The following COP1 variants were observed in gnomAD, a reference collection of about 807,000 sequenced individuals.
COP1 encodes COP1 E3 ubiquitin ligase, also known as E3 ubiquitin-protein ligase COP1.
Under a neutral mutation model 101.3 loss-of-function variants are expected in COP1, and 24 were observed. The ratio of observed to expected loss-of-function variants is 0.24; its 90% CI spans 0.17 to 0.33. COP1 has a LOEUF of 0.33. COP1 is among the 10% of genes least tolerant of loss of function. COP1 has a pLI of 1.00. For missense variants in COP1, 663 were observed against 906.2 expected, an observed-to-expected ratio of 0.73 and a Z score of 3.45; for synonymous variants, 347 against 341.9, an observed-to-expected ratio of 1.01 and a Z score of -0.17.
chr1:176,092,118 G>A (rs776268130), intron 9 of COP1, among the ~76,000 whole-genome samples: 2 of 152,018 alleles, frequency 1.3e-5, no homozygotes, highest in Non-Finnish European at 2.9e-5. Context: ...TTAACACAAT[G>A]GGAGATAAAT....
intron 18 of COP1, among the ~76,000 whole-genome samples, chr1:175,971,212 G>A (rs1288731854): frequency 6.6e-6 from 1 of 151,970 alleles, no homozygotes; most frequent in East Asian, 1.9e-4. Flanking sequence ...AAGTTGGAAG[G>A]GTATTTTGTA....
At chr1:175,985,519 G>A (rs1656895394) in intron 18 of COP1, among the ~76,000 whole-genome samples, 1 of 152,138 alleles carries the variant, frequency 6.6e-6, no homozygotes, top group Non-Finnish European at 1.5e-5. Context: ...ATACCCCTGT[G>A]GGGACTTAAA....
intron 15 of COP1, among the ~76,000 whole-genome samples, chr1:176,023,249 G>A (rs903008841): frequency 6.6e-6 from 1 of 151,998 alleles, no homozygotes; most frequent in Admixed American, 6.6e-5. Flanking sequence ...ACTATTATAC[G>A]GTGAAGAAAC....
chr1:176,069,832 A>T (rs1296349820), intron 11 of COP1, among the ~76,000 whole-genome samples: 1 of 152,162 alleles, frequency 6.6e-6, no homozygotes, highest in Non-Finnish European at 1.5e-5. Flanking sequence ...AGATCTCATG[A>T]TCTAATCCAA....
Position 176,134,990 on chromosome 1 carries a change from T to G in COP1, c.968+20A>C, listed in dbSNP as rs1427859545. ...CTTTGTAATATGAATTCTAATCAAT[T>G]GCAAGTGTGAAGCTTGTACCTGTGT... On this transcript the variant is annotated intron_variant, in intron 8 of 19. Coordinates refer to ENST00000367669, the MANE Select transcript of COP1 (RefSeq NM_022457.7). 1.9e-6 allele frequency: 3 copies of G among 1,577,900 alleles called. No individual in the cohort carries two copies.
chr1:175,987,495 A>G (rs1185530089), intron 17 of COP1, among the ~76,000 whole-genome samples: 1 of 152,210 alleles, frequency 6.6e-6, no homozygotes, highest in African/African-American at 2.4e-5. Flanking sequence ...ACATTTAGGA[A>G]GATTTCCATT....
intron 9 of COP1, among the ~76,000 whole-genome samples, chr1:176,105,576 T>C (rs1030925385): frequency 1.3e-5 from 2 of 152,166 alleles, no homozygotes; most frequent in Non-Finnish European, 2.9e-5. Context: ...AAAAGGAAAT[T>C]ATAAATATAG....
chr1:176,005,560 C>G (rs891074618), intron 15 of COP1, among the ~76,000 whole-genome samples: 1 of 152,128 alleles, frequency 6.6e-6, no homozygotes, highest in Non-Finnish European at 1.5e-5. Flanking sequence ...TGTCTTTGTT[C>G]TTGTTGTTTT....
At chr1:176,090,095 A>G (rs1380701047) in intron 9 of COP1, among the ~76,000 whole-genome samples, 2 of 152,166 alleles carry the variant, frequency 1.3e-5, no homozygotes, top group African/African-American at 4.8e-5. Context: ...CTTAACCCAG[A>G]CACTCCTTCC....
rs1380661689 is a variant in COP1, at chr1:175,968,293, T to C, written c.2133+18650A>G. 1.3e-5 allele frequency: 4 copies of C among 310,998 alleles called. No individual in the cohort carries two copies. The Admixed American group carries it at 1.3e-4, about 10-fold the overall frequency. The allele number at this position is 310,998 out of a possible 1,614,324, so 19.3% of individuals were successfully genotyped here. On this transcript the variant is annotated intron_variant, in intron 18 of 19. Transcript: ENST00000367669. The stretch of plus-strand genomic sequence containing the variant: ...AAACCAGTTCAGACGGATACAGAGG[T>C]AACTTTACTTGGTTGCCCATTTAAA...
intron 15 of COP1, among the ~76,000 whole-genome samples, chr1:176,013,234 C>T (rs1055578556): frequency 6.6e-6 from 1 of 152,038 alleles, no homozygotes; most frequent in Admixed American, 6.5e-5. Flanking sequence ...TCAGCAGATG[C>T]CCAAGGGTAC....
intron 15 of COP1, among the ~76,000 whole-genome samples, chr1:176,009,877 T>TTTG (rs1664305388): frequency 9.6e-6 from 1 of 103,634 alleles, no homozygotes; most frequent in African/African-American, 4.1e-5. Flanking sequence ...TTAGGTTACT[T>TTTG]GGGGGGGGGG....
In COP1 at chr1:175,959,337, C is replaced by G. The variant is rs189996413; in HGVS notation, c.2134-12098G>C. ...AGGGTATGTATCTACAAAACTCTTA[C>G]AGCAGACATACTTAATGATAACATC... On this transcript the variant is annotated intron_variant, in intron 18 of 19. Transcript: ENST00000367669. Among the ~76,000 whole-genome samples the G allele has an allele frequency of 7.7e-3, 1,176 of 152,170 alleles. 17 individuals carry two copies. Among genetic ancestry groups the G allele is most frequent in the African/African-American group, 0.026 (1,091 of 41,554 alleles).
intron 8 of COP1, among the ~76,000 whole-genome samples, chr1:176,120,981 T>C (rs1178264395): frequency 2.0e-5 from 3 of 152,138 alleles, no homozygotes; most frequent in South Asian, 2.1e-4. Flanking sequence ...TATGGAATTA[T>C]GAATAAGAGA....
chr1:176,203,879 A>T (rs139749254), intron 1 of COP1, among the ~76,000 whole-genome samples: 7 of 152,310 alleles, frequency 4.6e-5, no homozygotes, highest in African/African-American at 7.2e-5. Context: ...GTTCTCAAGG[A>T]GGGGAGAAGG....
intron 15 of COP1, chr1:176,018,754 C>G (rs1666123414): frequency 6.6e-6 from 1 of 152,202 alleles, no homozygotes; most frequent in Admixed American, 6.5e-5. Context: ...CTCCTGTAGT[C>G]CCAGCTACTT....
chr1:176,198,386 T>C (rs1240638670), intron 1 of COP1, among the ~76,000 whole-genome samples: 2 of 152,086 alleles, frequency 1.3e-5, no homozygotes, highest in Non-Finnish European at 2.9e-5. Context: ...TGAACAGAGA[T>C]GATCTTTTCA....
intron 11 of COP1, among the ~76,000 whole-genome samples, chr1:176,059,150 T>A (rs1674401544): frequency 6.6e-6 from 1 of 152,232 alleles, no homozygotes; most frequent in Non-Finnish European, 1.5e-5. Context: ...CCTGCTTCCA[T>A]CCTAATTGAG....
chr1:176,076,003 C>CA (rs60998287), intron 11 of COP1, among the ~76,000 whole-genome samples: 75,163 of 96,468 alleles, frequency 0.78, 30,068 homozygotes, highest in East Asian at 0.91. Flanking sequence ...AACTCCATCT[C>CA]AAAAAAAAAA....
Sources: gnomAD v4.1 joint callset for allele counts (sites outside exome capture counted in the v4.1 genomes callset) on GRCh38, gnomAD v4.1.1 for gene constraint, MANE v1.5 for transcripts, NCBI Gene and HGNC (gene_info 2026-07-23, HGNC 2026-07-21) for gene names.